Variants in NWD2 observed in about 807,000 individuals in gnomAD.
NWD2 encodes NACHT and WD repeat domain-containing protein 2.
Under a neutral mutation model 132.7 loss-of-function variants are expected in NWD2, and 37 were observed. The ratio of observed to expected loss-of-function variants is 0.28; its 90% CI spans 0.21 to 0.37. NWD2 has a LOEUF of 0.37. NWD2 is among the 10% of genes least tolerant of loss of function. NWD2 has a pLI of 1.00. For missense variants in NWD2, 1,592 were observed against 2,122.4 expected, an observed-to-expected ratio of 0.75 and a Z score of 4.91; for synonymous variants, 705 against 803.0, an observed-to-expected ratio of 0.88 and a Z score of 2.06.
chr4:37,277,430 C>T (rs1328758864), intron 1 of NWD2, among the ~76,000 whole-genome samples: 1 of 151,982 alleles, frequency 6.6e-6, no homozygotes, highest in Non-Finnish European at 1.5e-5. Flanking sequence ...CCACAGGTCC[C>T]TGATGCTTGG....
chr4:37,321,742 C>T, intron 1 of NWD2, among the ~76,000 whole-genome samples: 1 of 152,092 alleles, frequency 6.6e-6, no homozygotes, highest in East Asian at 1.9e-4. Context: ...CATAATTAAT[C>T]CATTCCTATC....
At chr4:37,336,907 T>C (rs1719417904) in intron 2 of NWD2, among the ~76,000 whole-genome samples, 2 of 137,970 alleles carry the variant, frequency 1.4e-5, no homozygotes, top group Non-Finnish European at 3.0e-5. Flanking sequence ...ATCGCACCAC[T>C]GCGCTCCAGC....
chr4:37,394,305 A>G (rs1414948144), intron 3 of NWD2, among the ~76,000 whole-genome samples: 1 of 152,250 alleles, frequency 6.6e-6, no homozygotes, highest in Admixed American at 6.5e-5. Context: ...AAGTCTCCAT[A>G]GAGTGAGACC....
chr4:37,437,955 T>C (rs2109328757), intron 5 of NWD2, among the ~76,000 whole-genome samples: 1 of 152,286 alleles, frequency 6.6e-6, no homozygotes, highest in East Asian at 1.9e-4. Context: ...AATATAATTA[T>C]ATTTTGCCTT....
intron 3 of NWD2, among the ~76,000 whole-genome samples, chr4:37,401,670 A>T (rs969054850): frequency 1.3e-5 from 2 of 152,180 alleles, no homozygotes; most frequent in Non-Finnish European, 2.9e-5. Context: ...TAGAAAAAAA[A>T]TTTAATATAA....
intron 3 of NWD2, among the ~76,000 whole-genome samples, chr4:37,427,343 G>A (rs112558957): frequency 2.0e-5 from 3 of 152,252 alleles, no homozygotes; most frequent in African/African-American, 7.2e-5. Context: ...TAATCACCAG[G>A]TTGGTTACCC....
chr4:37,320,586 G>C (rs992332078), intron 1 of NWD2, among the ~76,000 whole-genome samples: 2 of 152,274 alleles, frequency 1.3e-5, no homozygotes, highest in Admixed American at 1.3e-4. Context: ...ATATAAGGAA[G>C]AGTGTGGGAG....
chr4:37,400,370 C>A (rs534879696), intron 3 of NWD2, among the ~76,000 whole-genome samples: 1 of 152,208 alleles, frequency 6.6e-6, no homozygotes, highest in Non-Finnish European at 1.5e-5. Context: ...TTGCCTGTGG[C>A]TGTTAACCAG....
intron 1 of NWD2, among the ~76,000 whole-genome samples, chr4:37,247,596 A>G (rs149344380): frequency 4.3e-4 from 64 of 149,284 alleles, no homozygotes; most frequent in African/African-American, 1.4e-3. Flanking sequence ...AATGAAATAG[A>G]TAATAGAATG....
intron 3 of NWD2, among the ~76,000 whole-genome samples, chr4:37,374,463 T>C (rs1164899717): frequency 1.3e-5 from 2 of 152,148 alleles, no homozygotes; most frequent in African/African-American, 2.4e-5. Context: ...AGAATAGAAC[T>C]AACACGATAA....
At chr4:37,351,750 T>G (rs993640684) in intron 2 of NWD2, among the ~76,000 whole-genome samples, 1 of 152,168 alleles carries the variant, frequency 6.6e-6, no homozygotes, top group Non-Finnish European at 1.5e-5. Flanking sequence ...CCTTCTCTAG[T>G]TCTTTTACTT....
intron 3 of NWD2, among the ~76,000 whole-genome samples, chr4:37,361,313 A>T (rs1020811711): frequency 6.6e-6 from 1 of 152,190 alleles, no homozygotes; most frequent in Non-Finnish European, 1.5e-5. Context: ...ACTGCTCCCC[A>T]ACTCATTCTT....
intron 1 of NWD2, among the ~76,000 whole-genome samples, chr4:37,284,017 A>G (rs1286693580): frequency 3.9e-5 from 6 of 152,250 alleles, no homozygotes; most frequent in African/African-American, 1.4e-4. Flanking sequence ...CTGGAAGGTC[A>G]TTAGTACTGA....
intron 1 of NWD2, among the ~76,000 whole-genome samples, chr4:37,284,085 A>G (rs1718179227): frequency 6.6e-6 from 1 of 152,226 alleles, no homozygotes; most frequent in African/African-American, 2.4e-5. Context: ...TTATAACAAA[A>G]TACCATATAT....
At chr4:37,364,025 G>A (rs4832899) in intron 3 of NWD2, among the ~76,000 whole-genome samples, 141,819 of 151,764 alleles carry the variant, frequency 0.93, 67,024 homozygotes, top group East Asian at 1. Flanking sequence ...CCAGCTACTC[G>A]GGAGGCTGAG....
chr4:37,352,629 A>G (rs1338983885), intron 2 of NWD2, among the ~76,000 whole-genome samples: 6 of 151,958 alleles, frequency 3.9e-5, no homozygotes, highest in South Asian at 2.1e-4. Context: ...TTCTTTGTCT[A>G]TTTTGATCTT....
chr4:37,257,697 AT>A (rs1177675500), intron 1 of NWD2, among the ~76,000 whole-genome samples: 1 of 152,194 alleles, frequency 6.6e-6, no homozygotes, highest in African/African-American at 2.4e-5. Flanking sequence ...CATGCCACCT[AT>A]ATGATCATAT....
In NWD2 at chr4:37,422,298, G is replaced by A. The variant is rs567605124; in HGVS notation, c.358-8274G>A. Among the ~76,000 whole-genome samples the A allele has an allele frequency of 2.8e-3, 426 of 152,274 alleles. 3 individuals carry two copies. The highest frequency in any genetic ancestry group is 4.1e-3 in the Non-Finnish European group (279 of 68,024). On this transcript the variant is annotated intron_variant, in intron 3 of 6. Coordinates refer to ENST00000309447, the MANE Select transcript of NWD2 (RefSeq NM_001144990.2). ...GCCGCCTGCCCTTAAAGTACTGCCTGTTCTCTATAAAGGTGACTCTGCACA... is the reference window on the plus strand; with the variant it reads ...GCCGCCTGCCCTTAAAGTACTGCCTATTCTCTATAAAGGTGACTCTGCACA...
At chr4:37,396,097 A>G (rs1694089100) in intron 3 of NWD2, among the ~76,000 whole-genome samples, 1 of 152,136 alleles carries the variant, frequency 6.6e-6, no homozygotes, top group African/African-American at 2.4e-5. Context: ...TGGTTGTACA[A>G]ATTTAAGCCA....
Sources: gnomAD v4.1 joint callset for allele counts (sites outside exome capture counted in the v4.1 genomes callset) on GRCh38, gnomAD v4.1.1 for gene constraint, MANE v1.5 for transcripts, NCBI Gene and HGNC (gene_info 2026-07-23, HGNC 2026-07-21) for gene names.